The following DDX19B variants were observed in gnomAD, a reference collection of about 807,000 sequenced individuals.
The protein encoded by DDX19B is ATP-dependent RNA helicase DDX19B.
In DDX19B, 27 loss-of-function variants were observed where a neutral mutation model predicts 58.1. The ratio of observed to expected loss-of-function variants is 0.46; its 90% CI spans 0.34 to 0.64. The LOEUF (loss-of-function observed/expected upper bound fraction) is 0.64, where lower values mean the gene tolerates loss of function less well. Ranked by LOEUF, DDX19B falls within the 30% of genes least tolerant of loss-of-function variation. The pLI is 0.01. For missense variants in DDX19B, 399 were observed against 596.5 expected (o/e 0.67, Z 3.45); for synonymous variants, 187 against 214.4 (o/e 0.87, Z 1.12).
chr16:70,310,892 G>A (rs953316497), intron 1 of DDX19B, among the ~76,000 whole-genome samples: 2 of 151,408 alleles, frequency 1.3e-5, no homozygotes, highest in Admixed American at 1.3e-4. Flanking sequence ...TTAGCTGGGG[G>A]TGGTAGCGGA....
At chr16:70,325,737 T>C (rs763472554) in intron 7 of DDX19B, 49 bp downstream of exon 7, 4 of 1,394,960 alleles carry the variant, frequency 2.9e-6, no homozygotes, top group African/African-American at 1.4e-5. Flanking sequence ...TCTTTTTATT[T>C]TGAAATATTT....
Position 70,331,769 on chromosome 16 carries a change from C to T in DDX19B, c.1071C>T (p.Gly357=). The change falls in exon 10 of 12, where the codon GGC becomes GGT. Residue 357 remains glycine, a synonymous_variant. Coordinates refer to ENST00000288071, the MANE Select transcript of DDX19B (RefSeq NM_007242.7). ...TGGCAGCAGAGCTCTCAAAAGAAGG[C>T]CACCAGGTGGCTCTGCTGAGTGGGG... is the stretch of plus-strand genomic sequence containing the variant. ...SWLAAELSKE[G]HQVALLSGEM... The T allele has an allele frequency of 6.2e-7, 1 of 1,614,212 alleles. No homozygotes were observed. Among genetic ancestry groups the T allele is most frequent in the Non-Finnish European group, 8.5e-7 (1 of 1,180,048 alleles).
rs1323300176 is a variant in DDX19B at position 70,335,189 on chromosome 16, T to C, written c.*1607T>C. 6.6e-6 allele frequency: 1 copy of C among 152,244 alleles called. No homozygotes were observed. Among genetic ancestry groups the C allele is most frequent in the Non-Finnish European group, 1.5e-5 (1 of 68,040 alleles). 9.4% of individuals were successfully genotyped at this position (152,244 alleles called of 1,614,324 possible). A position where few individuals can be genotyped will look rare whatever the true frequency, so the allele number is the denominator to read the frequency against. On this transcript the variant is annotated 3_prime_UTR_variant, in exon 12 of 12. Transcript: ENST00000288071. The stretch of plus-strand genomic sequence containing the variant: ...CAACTCTGACACATCTTGGAATTCT[T>C]GTAATAAGAAAAGAAATTTTTATAC...
intron 5 of DDX19B, among the ~76,000 whole-genome samples, chr16:70,321,329 A>C (rs983673031): frequency 1.3e-5 from 2 of 152,036 alleles, no homozygotes; most frequent in Non-Finnish European, 2.9e-5. Context: ...TTTGTTGCCC[A>C]GACTTGTCTT....
chr16:70,292,584 A>G (rs1961089105), upstream of DDX19B, among the ~76,000 whole-genome samples: 1 of 152,132 alleles, frequency 6.6e-6, no homozygotes, highest in Non-Finnish European at 1.5e-5. Context: ...AAAGAATGCT[A>G]TCTTAATGCA....
chr16:70,295,443 A>C (rs1181414205), upstream of DDX19B, among the ~76,000 whole-genome samples: 1 of 141,302 alleles, frequency 7.1e-6, no homozygotes, highest in Non-Finnish European at 1.5e-5. Context: ...CCAGCTACTT[A>C]AAAAAAATTT....
intron 10 of DDX19B, 57 bp from the exon 11 acceptor site, chr16:70,332,911 A>ATGAC: frequency 6.2e-7 from 1 of 1,614,076 alleles, no homozygotes; most frequent in Non-Finnish European, 8.5e-7. Context: ...GATGGACCAC[A>ATGAC]TGACTGATTT....
chr16:70,325,063 A>C (rs1963070969), intron 6 of DDX19B, among the ~76,000 whole-genome samples: 1 of 152,218 alleles, frequency 6.6e-6, no homozygotes, highest in Non-Finnish European at 1.5e-5. Flanking sequence ...AAAAAATAAA[A>C]TAAAAGCCAA....
chr16:70,304,340 G>C (rs1961640658), intron 1 of DDX19B, among the ~76,000 whole-genome samples: 1 of 149,196 alleles, frequency 6.7e-6, no homozygotes, highest in Admixed American at 6.7e-5. Flanking sequence ...GCCTGGCCGA[G>C]GTTCATCTGT....
At chr16:70,330,875 T>C (rs1963447035) in intron 9 of DDX19B, among the ~76,000 whole-genome samples, 1 of 151,470 alleles carries the variant, frequency 6.6e-6, no homozygotes, top group South Asian at 2.1e-4. Flanking sequence ...CAAGACCCCA[T>C]CTCTACAAAA....
At chr16:70,310,177 T>C (rs956494432) in intron 1 of DDX19B, among the ~76,000 whole-genome samples, 21 of 152,062 alleles carry the variant, frequency 1.4e-4, no homozygotes, top group Admixed American at 1.2e-3. Flanking sequence ...GGTCAAGAGA[T>C]TGAGACCATC....
chr16:70,307,835 C>T (rs1304546420), intron 1 of DDX19B, among the ~76,000 whole-genome samples: 1 of 150,872 alleles, frequency 6.6e-6, no homozygotes, highest in East Asian at 2.0e-4. Flanking sequence ...GCAATCCTCC[C>T]ACCTCAGCCT....
At chr16:70,294,672 G>A, upstream of DDX19B, 2 of 463,524 alleles carry the variant, frequency 4.3e-6, no homozygotes, top group Non-Finnish European at 7.6e-6. Flanking sequence ...AGCCCTCTGC[G>A]GGAGGCTTGC....
In DDX19B at chr16:70,317,565, A is replaced by G. The variant is rs774489804; in HGVS notation, c.366A>G (p.Ala122=). The G allele has an allele frequency of 6.2e-7, 1 of 1,613,014 alleles. No individual in the cohort carries two copies. Among genetic ancestry groups the G allele is most frequent in the Non-Finnish European group, 8.5e-7 (1 of 1,179,290 alleles). The part of the protein sequence containing the change: ...FNRPSKIQEN[A]LPLMLAEPPQ... ...GTCCATCCAAGATACAAGAGAACGC[A>G]TTGCCACTGATGCTTGCTGAGCCGT... The change falls in exon 5 of 12, where the codon GCA becomes GCG. Residue 122 remains alanine, a synonymous_variant. Coordinates refer to ENST00000288071, the MANE Select transcript of DDX19B (RefSeq NM_007242.7).
chr16:70,326,371 C>T (rs557550559), intron 7 of DDX19B, among the ~76,000 whole-genome samples: 2 of 151,984 alleles, frequency 1.3e-5, no homozygotes, highest in Admixed American at 6.6e-5. Flanking sequence ...CAGCTACTTG[C>T]GAGGCTGAGG....
upstream of DDX19B, chr16:70,289,794 T>C: frequency 2.6e-6 from 1 of 378,862 alleles, no homozygotes; most frequent in Admixed American, 3.1e-5. Context: ...GTCGACATTT[T>C]GGTTTCCATA....
At chr16:70,315,877 T>C (rs1414070663) in intron 3 of DDX19B, 92 bp from the exon 4 acceptor site, 1 of 1,480,330 alleles carries the variant, frequency 6.8e-7, no homozygotes, top group Admixed American at 2.1e-5. Flanking sequence ...CAGTACATTA[T>C]TATTTAAAAT....
chr16:70,325,731 T>C, intron 7 of DDX19B, 43 bp downstream of exon 7: 1 of 1,428,114 alleles, frequency 7.0e-7, no homozygotes, highest in Non-Finnish European at 9.8e-7. Context: ...CCTAATTCTT[T>C]TTATTTTGAA....
At chr16:70,311,030 C>CAA (rs59944573) in intron 1 of DDX19B, among the ~76,000 whole-genome samples, 42 of 108,734 alleles carry the variant, frequency 3.9e-4, no homozygotes, top group South Asian at 2.9e-4. Flanking sequence ...GACTCTGTCT[C>CAA]AAAAAAAAAA....
Sources: gnomAD v4.1 joint callset for allele counts (sites outside exome capture counted in the v4.1 genomes callset) on GRCh38, gnomAD v4.1.1 for gene constraint, MANE v1.5 for transcripts, NCBI Gene and HGNC (gene_info 2026-07-23, HGNC 2026-07-21) for gene names.